RALGPS1: variants seen among roughly 807,000 people sequenced by gnomAD.
RALGPS1 encodes ras-specific guanine nucleotide-releasing factor RalGPS1.
Under a neutral mutation model 78.8 loss-of-function variants are expected in RALGPS1, and 19 were observed. The observed-to-expected ratio is 0.24, with a 90% CI of 0.17 to 0.35. The LOEUF is 0.35. Ranked by LOEUF, RALGPS1 falls within the 10% of genes least tolerant of loss-of-function variation. The pLI is 1.00. For synonymous variants in RALGPS1, 228 were observed against 256.3 expected (o/e 0.89, Z 1.06); for missense variants, 454 against 688.3 (o/e 0.66, Z 3.81).
At chr9:127,145,759 A>T (rs565697268) in intron 8 of RALGPS1, among the ~76,000 whole-genome samples, 1 of 152,186 alleles carries the variant, frequency 6.6e-6, no homozygotes. Context: ...TTCCTATTCA[A>T]TGAGATTTGA....
At chr9:127,157,550 A>G (rs746947655) in intron 8 of RALGPS1, among the ~76,000 whole-genome samples, 1 of 152,120 alleles carries the variant, frequency 6.6e-6, no homozygotes, top group Non-Finnish European at 1.5e-5. Context: ...TTTTATTCAT[A>G]TAAGTCTTAC....
intron 8 of RALGPS1, among the ~76,000 whole-genome samples, chr9:127,138,923 T>G (rs1195890568): frequency 6.6e-6 from 1 of 152,202 alleles, no homozygotes; most frequent in East Asian, 1.9e-4. Context: ...GGCAGTAATT[T>G]TTAGTTCACA....
intron 4 of RALGPS1, among the ~76,000 whole-genome samples, chr9:127,028,395 G>T (rs949480228): frequency 3.9e-5 from 6 of 152,260 alleles, no homozygotes; most frequent in African/African-American, 1.2e-4. Context: ...AGAAATTGGA[G>T]GTCAGAGCAG....
At chr9:126,966,520 CAA>C (rs756980868) in intron 3 of RALGPS1, among the ~76,000 whole-genome samples, 302 of 53,428 alleles carry the variant, frequency 5.7e-3, no homozygotes, top group Non-Finnish European at 9.1e-3. Flanking sequence ...AACCCTGTCT[CAA>C]AAAAAAAAAA....
intron 3 of RALGPS1, among the ~76,000 whole-genome samples, chr9:126,968,002 C>CT (rs745689127): frequency 0.01 from 1,344 of 130,622 alleles, 11 homozygotes; most frequent in Middle Eastern, 0.012. Flanking sequence ...GAGTTCAATT[C>CT]TTTTTTTTTT....
At chr9:126,959,031 T>G (rs534596124) in intron 1 of RALGPS1, among the ~76,000 whole-genome samples, 342 of 152,198 alleles carry the variant, frequency 2.2e-3, no homozygotes, top group Non-Finnish European at 2.4e-3. Flanking sequence ...CTGATGGCAT[T>G]TCTCTTGTTA....
Position 127,117,679 on chromosome 9 carries a change from G to C in RALGPS1, c.610+48323G>C, listed in dbSNP as rs139244292. Reference sequence around the variant, plus strand: ...GGGGTAGAGAAGCTTGTTTGCTTGAGAGCCTGGGCCTGAGGCTTGCTTCAT... The same window carrying C: ...GGGGTAGAGAAGCTTGTTTGCTTGACAGCCTGGGCCTGAGGCTTGCTTCAT... On this transcript the variant is annotated intron_variant, in intron 8 of 18. Transcript: ENST00000259351. Among the ~76,000 whole-genome samples the C allele has an allele frequency of 1.1e-3, 173 of 152,358 alleles. 1 individual carries two copies. The highest frequency in any genetic ancestry group is 6.0e-3 in the East Asian group (31 of 5,192).
In RALGPS1 at chr9:127,163,492, A is replaced by G. The variant is rs367648645; in HGVS notation, c.611-2577A>G. Among the ~76,000 whole-genome samples the G allele has an allele frequency of 3.6e-4, 55 of 152,336 alleles. No individual in the cohort carries two copies. In the East Asian group the frequency reaches 7.7e-3, roughly 21 times the overall value. On this transcript the variant is annotated intron_variant, in intron 8 of 18. Coordinates refer to ENST00000259351, the MANE Select transcript of RALGPS1 (RefSeq NM_014636.3). ...ACCACCAGGAAGAAAGGAAGTGGAA[A>G]TGGCTCCTGTGAGAAGTATTAGCAT...
At chr9:127,050,165 C>T in intron 6 of RALGPS1, 33 bp downstream of exon 6, 1 of 1,515,990 alleles carries the variant, frequency 6.6e-7, no homozygotes, top group South Asian at 1.1e-5. Context: ...TCCTTCCTTT[C>T]CCTCTTCTCT....
chr9:127,159,341 G>A (rs1281875469), intron 8 of RALGPS1, among the ~76,000 whole-genome samples: 1 of 152,158 alleles, frequency 6.6e-6, no homozygotes, highest in African/African-American at 2.4e-5. Flanking sequence ...GGAGCCAGGA[G>A]GTGATTTGGC....
At chr9:126,943,396 G>T (rs1032248945) in intron 1 of RALGPS1, among the ~76,000 whole-genome samples, 3 of 152,114 alleles carry the variant, frequency 2.0e-5, no homozygotes, top group African/African-American at 7.2e-5. Flanking sequence ...GCCCTCCTTG[G>T]CTTCCCAAAG....
intron 8 of RALGPS1, among the ~76,000 whole-genome samples, chr9:127,160,198 G>T (rs1480290105): frequency 6.6e-6 from 1 of 152,186 alleles, no homozygotes; most frequent in East Asian, 1.9e-4. Flanking sequence ...CAGGCTCTGG[G>T]CCATCGAGTA....
chr9:127,048,651 C>T (rs535282362), intron 5 of RALGPS1, among the ~76,000 whole-genome samples: 1 of 152,316 alleles, frequency 6.6e-6, no homozygotes, highest in South Asian at 2.1e-4. Flanking sequence ...GATTCTTTGA[C>T]ATGCAGGAAT....
At chr9:127,190,577 G>A (rs542602443) in intron 11 of RALGPS1, among the ~76,000 whole-genome samples, 22 of 152,268 alleles carry the variant, frequency 1.4e-4, no homozygotes, top group Admixed American at 2.0e-4. Context: ...ATTGATACCT[G>A]TAGATGCAGT....
chr9:127,209,458 T>C (rs1011567302), intron 14 of RALGPS1, among the ~76,000 whole-genome samples: 7 of 152,044 alleles, frequency 4.6e-5, no homozygotes, highest in Admixed American at 3.3e-4. Flanking sequence ...GGCCTGGGAG[T>C]TGAGCACACC....
In RALGPS1 at chr9:127,054,382, C is replaced by T. The variant is rs188605582; in HGVS notation, c.483+1443C>T. ...TTTGAATCTTCTCATGATGCCTAGA[C>T]TTTACTGTCAGTAATATTGTAACTC... On this transcript the variant is annotated intron_variant, in intron 7 of 18. Coordinates refer to ENST00000259351, the MANE Select transcript of RALGPS1 (RefSeq NM_014636.3). Among the ~76,000 whole-genome samples the T allele has an allele frequency of 2.2e-3, 338 of 152,322 alleles. 1 individual carries two copies. Among genetic ancestry groups the T allele is most frequent in the Non-Finnish European group, 4.0e-3 (270 of 68,020 alleles).
At chr9:127,071,963 G>A (rs948771865) in intron 8 of RALGPS1, among the ~76,000 whole-genome samples, 12 of 152,112 alleles carry the variant, frequency 7.9e-5, no homozygotes, top group African/African-American at 2.4e-4. Context: ...GCAGTCATTC[G>A]CATTTCCCTC....
intron 4 of RALGPS1, among the ~76,000 whole-genome samples, chr9:127,009,482 TCC>T (rs1350283610): frequency 6.6e-6 from 1 of 152,154 alleles, no homozygotes; most frequent in Non-Finnish European, 1.5e-5. Context: ...AGTATAAATA[TCC>T]CCTTTTAGCA....
chr9:127,112,294 C>T (rs951412076), intron 8 of RALGPS1, among the ~76,000 whole-genome samples: 18 of 152,352 alleles, frequency 1.2e-4, no homozygotes, highest in African/African-American at 4.3e-4. Context: ...TTGGCTGCCC[C>T]TGTGCTAGTG....
Sources: allele counts gnomAD v4.1 joint callset (sites outside exome capture counted in the v4.1 genomes callset), GRCh38; gene constraint gnomAD v4.1.1; transcripts MANE v1.5; gene names NCBI Gene and HGNC (gene_info 2026-07-23, HGNC 2026-07-21).